WDTC1: variants seen among roughly 807,000 people sequenced by gnomAD.
The protein encoded by WDTC1 is WD and tetratricopeptide repeats 1.
A neutral mutation model predicts 76.0 loss-of-function variants in WDTC1; 12 were observed. The observed-to-expected ratio is 0.16, with a 90% CI of 0.10 to 0.26. The LOEUF is 0.26. Among genes scored for constraint, WDTC1 ranks in the 10% least tolerant of loss-of-function variants. The pLI, the probability that WDTC1 is intolerant of heterozygous loss-of-function variation, is 1.00. For synonymous variants in WDTC1, 326 were observed against 350.8 expected (o/e 0.93, Z 0.79); for missense variants, 511 against 908.8 (o/e 0.56, Z 5.63).
At position 27,306,112 on chromosome 1, in the gene WDTC1, C is replaced by G; in HGVS notation, c.1837-74C>G. 1 of 1,546,998 alleles carries G rather than the reference C, an allele frequency of 6.5e-7. No individual in the cohort carries two copies. The highest frequency in any genetic ancestry group is 8.9e-7 in the Non-Finnish European group (1 of 1,124,800). On this transcript the variant is annotated intron_variant, in intron 15 of 15. Transcript: ENST00000319394. The surrounding 1 kb of genome is among the most constrained non-coding windows in gnomAD (Gnocchi z 5.0). ...TAGTTTAGTCTGTGTATTTCCCTCC[C>G]CCTCCCCTATACGTGTACCCTGGTG...
At chr1:27,272,375 G>A (rs188952475) in intron 3 of WDTC1, among the ~76,000 whole-genome samples, 53 of 152,252 alleles carry the variant, frequency 3.5e-4, no homozygotes, top group Admixed American at 2.1e-3. Flanking sequence ...GGGATGAGGC[G>A]TGAGCCACCA....
chr1:27,291,524 C>G (rs556820775), intron 6 of WDTC1, among the ~76,000 whole-genome samples: 1 of 152,338 alleles, frequency 6.6e-6, no homozygotes, highest in African/African-American at 2.4e-5. Flanking sequence ...CTACCCACCA[C>G]TCTCTGAGGA....
chr1:27,278,019 T>C (rs2013082010), intron 3 of WDTC1, among the ~76,000 whole-genome samples: 1 of 151,990 alleles, frequency 6.6e-6, no homozygotes, highest in South Asian at 2.1e-4. Flanking sequence ...TTTTTTTGTG[T>C]TTTAGTAGAG....
chr1:27,238,850 A>C (rs7365536), intron 1 of WDTC1, among the ~76,000 whole-genome samples: 138,341 of 151,798 alleles, frequency 0.91, 64,395 homozygotes, highest in East Asian at 1. Flanking sequence ...CAGGTGTGAG[A>C]CACCGCGCCC....
intron 14 of WDTC1, chr1:27,304,140 T>G (rs114014615): frequency 1.5e-4 from 42 of 276,628 alleles, no homozygotes; most frequent in Non-Finnish European, 2.7e-4. Context: ...TCCCTCTGCT[T>G]GAGAGTATGA....
At chr1:27,300,024 G>GTGCC (rs2147990342) in intron 12 of WDTC1, among the ~76,000 whole-genome samples, 1 of 152,318 alleles carries the variant, frequency 6.6e-6, no homozygotes, top group African/African-American at 2.4e-5. Context: ...TTTCCAAACA[G>GTGCC]TGCCTGCTCC....
chr1:27,260,710 T>C (rs1388908652), intron 1 of WDTC1, among the ~76,000 whole-genome samples: 2 of 152,212 alleles, frequency 1.3e-5, no homozygotes, highest in African/African-American at 4.8e-5. Flanking sequence ...AACCTGCCAT[T>C]TTCCGATGAA....
intron 6 of WDTC1, among the ~76,000 whole-genome samples, chr1:27,289,518 G>A (rs1175714682): frequency 1.3e-5 from 2 of 151,740 alleles, no homozygotes; most frequent in African/African-American, 4.8e-5. Context: ...GCCAGGCAGA[G>A]GGGCTCCTCA....
chr1:27,253,101 C>T (rs1306009874), intron 1 of WDTC1, among the ~76,000 whole-genome samples: 6 of 150,234 alleles, frequency 4.0e-5, no homozygotes, highest in Non-Finnish European at 8.9e-5. Flanking sequence ...CTCCGCCTCC[C>T]GGGTTCAGGT....
chr1:27,277,441 T>C (rs1282766928), intron 3 of WDTC1, among the ~76,000 whole-genome samples: 1 of 152,220 alleles, frequency 6.6e-6, no homozygotes. Flanking sequence ...AAGACTATTC[T>C]TTCCTTCTAC....
chr1:27,270,089 C>G (rs1474725557), intron 3 of WDTC1, among the ~76,000 whole-genome samples: 2 of 151,994 alleles, frequency 1.3e-5, no homozygotes, highest in East Asian at 1.9e-4. Flanking sequence ...AGACATGCAC[C>G]ACCATGCCCA....
chr1:27,294,098 G>A lies in WDTC1; in HGVS notation c.739G>A (p.Ala247Thr). 6.2e-7 allele frequency: 1 copy of A among 1,614,074 alleles called. No homozygotes were observed. Among genetic ancestry groups the A allele is most frequent in the Non-Finnish European group, 8.5e-7 (1 of 1,180,000 alleles). ...DRQKPLPDGA[A>T]QYYVAGHLPV... is the part of the protein sequence containing the mutation. Reference sequence around the variant, plus strand: ...GCAGAAACCCCTTCCGGACGGTGCAGCCCAGTATTACGTAGCAGGTAGCGC... The same window carrying A: ...GCAGAAACCCCTTCCGGACGGTGCAACCCAGTATTACGTAGCAGGTAGCGC... The change falls in exon 8 of 16, where the codon GCC (alanine) becomes ACC (threonine). Residue 247 changes from alanine to threonine, a missense_variant. Ala to Thr is a moderately conservative substitution (Grantham distance 58). Transcript: ENST00000319394.
At chr1:27,239,335 T>C (rs2011563725) in intron 1 of WDTC1, among the ~76,000 whole-genome samples, 1 of 149,740 alleles carries the variant, frequency 6.7e-6, no homozygotes, top group South Asian at 2.1e-4. Flanking sequence ...CTGAGCAACA[T>C]AGTGAAACCC....
intron 1 of WDTC1, among the ~76,000 whole-genome samples, chr1:27,236,525 T>C (rs993984520): frequency 6.6e-6 from 1 of 152,208 alleles, no homozygotes; most frequent in African/African-American, 2.4e-5. Flanking sequence ...TATTTCTGCC[T>C]GGGACACCTT....
intron 3 of WDTC1, among the ~76,000 whole-genome samples, chr1:27,270,907 T>C (rs999872221): frequency 2.6e-5 from 4 of 152,362 alleles, no homozygotes; most frequent in Middle Eastern, 3.4e-3. Flanking sequence ...GAATTTTTTT[T>C]TATCATTCTA....
At chr1:27,294,705 C>T in intron 9 of WDTC1, 76 bp downstream of exon 9, 1 of 1,271,396 alleles carries the variant, frequency 7.9e-7, no homozygotes, top group Non-Finnish European at 1.1e-6. Flanking sequence ...CTTATGTTCA[C>T]TGCTGAGGCA....
intron 4 of WDTC1, among the ~76,000 whole-genome samples, chr1:27,282,649 T>C (rs11247632): frequency 0.99 from 150,932 of 151,970 alleles, 74,962 homozygotes; most frequent in Middle Eastern, 1. Flanking sequence ...ACTACAGGCA[T>C]GCGCCACCAT....
chr1:27,272,144 G>T (rs1049216827), intron 3 of WDTC1, among the ~76,000 whole-genome samples: 14 of 152,002 alleles, frequency 9.2e-5, no homozygotes, highest in Non-Finnish European at 2.1e-4. Context: ...TGCTCGGGAG[G>T]CTGAGGCAGG....
chr1:27,277,623 A>G (rs969795412), intron 3 of WDTC1, among the ~76,000 whole-genome samples: 1 of 152,132 alleles, frequency 6.6e-6, no homozygotes, highest in African/African-American at 2.4e-5. Context: ...TCAGAAATCA[A>G]TTGACTGTAA....
Sources: gnomAD v4.1 joint callset for allele counts (sites outside exome capture counted in the v4.1 genomes callset) on GRCh38, gnomAD v4.1.1 for gene constraint, Gnocchi (gnomAD v3.1) non-coding constraint, MANE v1.5 for transcripts, NCBI Gene and HGNC (gene_info 2026-07-23, HGNC 2026-07-21) for gene names.